Variants in SHISA6 observed in about 807,000 individuals in gnomAD.
SHISA6 encodes shisa family member 6.
Under a neutral mutation model 47.9 loss-of-function variants are expected in SHISA6, and 22 were observed. The observed-to-expected ratio is 0.46, with a 90% CI of 0.33 to 0.66. The LOEUF (loss-of-function observed/expected upper bound fraction) is 0.66, where lower values mean the gene tolerates loss of function less well. SHISA6 is among the 30% of genes least tolerant of loss of function. The pLI, the probability that SHISA6 is intolerant of heterozygous loss-of-function variation, is 0.02. For synonymous variants in SHISA6, 388 were observed against 337.8 expected (o/e 1.15, Z -1.63); for missense variants, 680 against 764.6 (o/e 0.89, Z 1.30).
intron 3 of SHISA6, among the ~76,000 whole-genome samples, chr17:11,388,840 A>ATATATT: frequency 9.4e-6 from 1 of 106,028 alleles, no homozygotes; most frequent in East Asian, 2.8e-4. Context: ...ATATATATAT[A>ATATATT]TTTTAAAAAA....
At chr17:11,530,421 T>C (rs1359685972) in intron 3 of SHISA6, among the ~76,000 whole-genome samples, 3 of 152,246 alleles carry the variant, frequency 2.0e-5, no homozygotes. Context: ...GCATTGTTGC[T>C]TTTTTGTGTG....
rs575998366 is a variant in SHISA6 at position 11,275,922 on chromosome 17, CAT to C, written c.799+12397_799+12398del. On this transcript the variant is annotated intron_variant, in intron 2 of 5. Coordinates refer to ENST00000441885, the MANE Select transcript of SHISA6 (RefSeq NM_207386.4). ...TATAGCGAGTAGAGATATGATCTGA[CAT>C]GTGGTTTTCATAATCACTCTGGCCA... 8.6e-5 allele frequency among the ~76,000 whole-genome samples: 13 copies of C among 151,914 alleles called. No individual in the cohort carries two copies. The South Asian group carries it at 1.5e-3, about 17-fold the overall frequency.
intron 3 of SHISA6, among the ~76,000 whole-genome samples, chr17:11,384,736 G>A (rs151338451): frequency 2.4e-3 from 365 of 152,242 alleles, no homozygotes; most frequent in Middle Eastern, 0.01. Context: ...GTGATGATGC[G>A]AGTTACTGCC....
chr17:11,469,684 T>G (rs1039882290), intron 3 of SHISA6, among the ~76,000 whole-genome samples: 1 of 152,132 alleles, frequency 6.6e-6, no homozygotes, highest in African/African-American at 2.4e-5. Flanking sequence ...AGCACTGGGC[T>G]TTCCCCCCTT....
chr17:11,432,325 C>G (rs1417738205), intron 3 of SHISA6, among the ~76,000 whole-genome samples: 1 of 152,170 alleles, frequency 6.6e-6, no homozygotes, highest in East Asian at 1.9e-4. Context: ...ACAGTTGAAT[C>G]AACAGTCAAA....
At chr17:11,509,309 A>AAAGTACCT (rs1408794504) in intron 3 of SHISA6, among the ~76,000 whole-genome samples, 1 of 152,204 alleles carries the variant, frequency 6.6e-6, no homozygotes, top group East Asian at 1.9e-4. Context: ...ATCCACTCAA[A>AAAGTACCT]AAGTACCTAT....
At chr17:11,534,695 A>G (rs992140603) in intron 3 of SHISA6, among the ~76,000 whole-genome samples, 7 of 152,218 alleles carry the variant, frequency 4.6e-5, no homozygotes, top group African/African-American at 1.7e-4. Flanking sequence ...AGGGCCTTGA[A>G]GGATGAATAA....
intron 3 of SHISA6, among the ~76,000 whole-genome samples, chr17:11,461,016 C>G (rs1452686579): frequency 1.3e-5 from 2 of 152,196 alleles, no homozygotes; most frequent in African/African-American, 2.4e-5. Flanking sequence ...CTACTAGTTT[C>G]TGTCTTCCTG....
intron 2 of SHISA6, among the ~76,000 whole-genome samples, chr17:11,268,242 GCCATA>G (rs1908503812): frequency 6.6e-6 from 1 of 152,164 alleles, no homozygotes; most frequent in Non-Finnish European, 1.5e-5. Context: ...TGTTGTCAAA[GCCATA>G]TCCATTAATG....
In SHISA6 at chr17:11,372,512, C is replaced by A. The variant is rs951015990; in HGVS notation, c.800-6902C>A. Reference sequence around the variant, plus strand: ...AATCATATTTTTAAATATCCATTAGCCTTTTAAAACATTTTCTTTCCGTGT... The same window carrying A: ...AATCATATTTTTAAATATCCATTAGACTTTTAAAACATTTTCTTTCCGTGT... On this transcript the variant is annotated intron_variant, in intron 2 of 5. Transcript: ENST00000441885. Among the ~76,000 whole-genome samples the A allele has an allele frequency of 5.9e-5, 9 of 151,936 alleles. No homozygotes were observed. In the East Asian group the frequency reaches 1.7e-3, roughly 29 times the overall value.
chr17:11,544,015 CA>C (rs529028800), intron 3 of SHISA6, among the ~76,000 whole-genome samples: 143 of 117,592 alleles, frequency 1.2e-3, no homozygotes, highest in Admixed American at 1.6e-3. Context: ...TATTCATAAG[CA>C]AAAAAAAAAA....
chr17:11,489,420 G>C (rs992621737), intron 3 of SHISA6, among the ~76,000 whole-genome samples: 1 of 152,010 alleles, frequency 6.6e-6, no homozygotes, highest in Admixed American at 6.5e-5. Flanking sequence ...TCTAGCTTTA[G>C]TCTTATTTGC....
chr17:11,501,371 C>T (rs1216491486), intron 3 of SHISA6, among the ~76,000 whole-genome samples: 1 of 152,136 alleles, frequency 6.6e-6, no homozygotes, highest in Admixed American at 6.5e-5. Context: ...CTCAGCCTCC[C>T]AAAGTGCTGG....
rs955993681 is a variant in SHISA6, at chr17:11,248,341, C to T, written c.638+6281C>T. 3.9e-5 allele frequency among the ~76,000 whole-genome samples: 6 copies of T among 152,212 alleles called. No individual in the cohort carries two copies. In the South Asian group the frequency reaches 1.0e-3, roughly 26 times the overall value. On this transcript the variant is annotated intron_variant, in intron 1 of 5. Transcript: ENST00000441885. ...TCATTGCAGGCAATTCATTTAATCT[C>T]GTTACCTAGTTTTACAAGTGAGGCA...
chr17:11,440,147 A>G (rs1915057572), intron 3 of SHISA6, among the ~76,000 whole-genome samples: 1 of 152,176 alleles, frequency 6.6e-6, no homozygotes, highest in Non-Finnish European at 1.5e-5. Context: ...AAGAAACAAG[A>G]AAGACCAAGA....
chr17:11,385,987 G>A (rs574614891), intron 3 of SHISA6, among the ~76,000 whole-genome samples: 1 of 152,162 alleles, frequency 6.6e-6, no homozygotes, highest in South Asian at 2.1e-4. Context: ...TTGGGGGTGG[G>A]AGGGGGGAAC....
At chr17:11,324,985 G>C (rs891109543) in intron 2 of SHISA6, among the ~76,000 whole-genome samples, 1 of 152,138 alleles carries the variant, frequency 6.6e-6, no homozygotes, top group Non-Finnish European at 1.5e-5. Flanking sequence ...TGCCAATTTT[G>C]CTCCTCACAA....
chr17:11,554,275 G>A (rs2071956168), intron 4 of SHISA6, among the ~76,000 whole-genome samples: 1 of 152,124 alleles, frequency 6.6e-6, no homozygotes, highest in Non-Finnish European at 1.5e-5. Flanking sequence ...TTTCTGTACA[G>A]CATGTTCTAA....
At chr17:11,396,348 C>T in intron 3 of SHISA6, among the ~76,000 whole-genome samples, 1 of 152,246 alleles carries the variant, frequency 6.6e-6, no homozygotes, top group Non-Finnish European at 1.5e-5. Context: ...CTTTCTCATA[C>T]TGTCTTTATC....
Sources: gnomAD v4.1 joint callset for allele counts (sites outside exome capture counted in the v4.1 genomes callset) on GRCh38, gnomAD v4.1.1 for gene constraint, MANE v1.5 for transcripts, NCBI Gene and HGNC (gene_info 2026-07-23, HGNC 2026-07-21) for gene names.